Variants in SOBP observed in about 807,000 individuals in gnomAD.
SOBP encodes the protein sine oculis-binding protein homolog.
A neutral mutation model predicts 53.6 loss-of-function variants in SOBP; 4 were observed. The observed-to-expected ratio is 0.07, with a 90% CI of 0.04 to 0.17. The LOEUF (loss-of-function observed/expected upper bound fraction) is 0.17. Among genes scored for constraint, SOBP ranks in the 10% least tolerant of loss-of-function variants. The pLI is 1.00. For synonymous variants in SOBP, 584 were observed against 522.6 expected, an observed-to-expected ratio of 1.12 and a Z score of -1.60; for missense variants, 1,088 against 1,204.7, an observed-to-expected ratio of 0.90 and a Z score of 1.43.
At chr6:107,617,818 T>TC (rs1786848290) in intron 5 of SOBP, among the ~76,000 whole-genome samples, 1 of 136,340 alleles carries the variant, frequency 7.3e-6, no homozygotes, top group Non-Finnish European at 1.6e-5. Flanking sequence ...GTTGTATGAC[T>TC]CCTTTTTTTT....
intron 3 of SOBP, among the ~76,000 whole-genome samples, chr6:107,513,603 T>G (rs1417849683): frequency 2.0e-5 from 3 of 152,150 alleles, no homozygotes; most frequent in Non-Finnish European, 2.9e-5. Context: ...AAACAGGATT[T>G]AATCAAAATT....
chr6:107,650,039 A>T (rs1390926933), intron 6 of SOBP, among the ~76,000 whole-genome samples: 2 of 152,246 alleles, frequency 1.3e-5, no homozygotes, highest in Non-Finnish European at 2.9e-5. Flanking sequence ...TTATCCCAGT[A>T]GGGAGTCTTA....
Position 107,659,696 on chromosome 6 carries a change from G to A in SOBP, c.*1493G>A, listed in dbSNP as rs1668306634. The A allele has an allele frequency of 6.5e-6, 1 of 152,778 alleles. No individual in the cohort carries two copies. Among genetic ancestry groups the A allele is most frequent in the Non-Finnish European group, 1.5e-5 (1 of 68,136 alleles). The allele number at this position is 152,778 out of a possible 1,614,324, so 9.5% of individuals were successfully genotyped here. On this transcript the variant is annotated 3_prime_UTR_variant, in exon 7 of 7. Transcript: ENST00000317357. ...TGCGGGTGGGCAGGGCCAGGACGGT[G>A]TGGCGCCAGCCTTGAAGCACCACGG...
chr6:107,526,703 C>T (rs1267430768), intron 3 of SOBP, among the ~76,000 whole-genome samples: 1 of 152,150 alleles, frequency 6.6e-6, no homozygotes, highest in Non-Finnish European at 1.5e-5. Context: ...ATGTCTATGT[C>T]TGTCTTCATA....
chr6:107,652,794 A>G (rs1388634407), intron 6 of SOBP, among the ~76,000 whole-genome samples: 1 of 152,110 alleles, frequency 6.6e-6, no homozygotes, highest in African/African-American at 2.4e-5. Context: ...GTCAGTATCA[A>G]GGCAAGACTC....
intron 5 of SOBP, among the ~76,000 whole-genome samples, chr6:107,603,231 T>G (rs1280232569): frequency 6.6e-6 from 1 of 152,210 alleles, no homozygotes; most frequent in Non-Finnish European, 1.5e-5. Flanking sequence ...CCATGGACAC[T>G]CCGCTGACAC....
intron 5 of SOBP, among the ~76,000 whole-genome samples, chr6:107,593,532 C>T (rs1785835489): frequency 6.6e-6 from 1 of 152,212 alleles, no homozygotes; most frequent in Non-Finnish European, 1.5e-5. Flanking sequence ...GAGTGGGAGT[C>T]CCAATCCTTT....
At chr6:107,594,317 A>C (rs1035215263) in intron 5 of SOBP, among the ~76,000 whole-genome samples, 1 of 152,176 alleles carries the variant, frequency 6.6e-6, no homozygotes, top group African/African-American at 2.4e-5. Flanking sequence ...GATTTATTCC[A>C]AGGTTGCTTG....
chr6:107,553,174 T>C (rs1009516070), intron 4 of SOBP, among the ~76,000 whole-genome samples: 6 of 151,954 alleles, frequency 3.9e-5, no homozygotes, highest in Admixed American at 3.3e-4. Flanking sequence ...TGGCCTTCTT[T>C]GATAATCTGA....
At chr6:107,641,584 A>G (rs1034440054) in intron 6 of SOBP, among the ~76,000 whole-genome samples, 1 of 152,096 alleles carries the variant, frequency 6.6e-6, no homozygotes, top group African/African-American at 2.4e-5. Context: ...GCTCCCCAGT[A>G]TGCCTCTTTA....
chr6:107,583,200 T>C (rs532871695), intron 4 of SOBP, among the ~76,000 whole-genome samples: 20 of 152,354 alleles, frequency 1.3e-4, no homozygotes, highest in South Asian at 1.0e-3. Context: ...ATCCAACTCA[T>C]TCTTACAGAT....
At chr6:107,600,003 T>C (rs1262662891) in intron 5 of SOBP, among the ~76,000 whole-genome samples, 1 of 152,204 alleles carries the variant, frequency 6.6e-6, no homozygotes, top group Non-Finnish European at 1.5e-5. Context: ...ATACACAGAT[T>C]ATCAAGGTCA....
At position 107,633,948 on chromosome 6, in the gene SOBP, A is replaced by C; in HGVS notation, c.1104A>C (p.Pro368=). The C allele has an allele frequency of 6.2e-7, 1 of 1,614,046 alleles. No individual in the cohort carries two copies. The highest frequency in any genetic ancestry group is 8.5e-7 in the Non-Finnish European group (1 of 1,179,972). ...ATATCCCTCCTGTCTCCGTCCAGCC[A>C]CCTGCTAGCATCGGGCCTCCCCTTG... is the stretch of plus-strand genomic sequence containing the variant. The part of the protein sequence containing the change: ...TPNIPPVSVQ[P]PASIGPPLGV... The change falls in exon 6 of 7, where the codon CCA becomes CCC. Residue 368 remains proline (P), a synonymous_variant. Transcript: ENST00000317357.
At chr6:107,508,066 T>C (rs1424812665) in intron 3 of SOBP, among the ~76,000 whole-genome samples, 1 of 152,242 alleles carries the variant, frequency 6.6e-6, no homozygotes. Flanking sequence ...TGATAAATAC[T>C]GAGTTTCAAC....
chr6:107,512,546 G>A (rs934509173), intron 3 of SOBP, among the ~76,000 whole-genome samples: 2 of 152,208 alleles, frequency 1.3e-5, no homozygotes, highest in African/African-American at 4.8e-5. Flanking sequence ...CTTTACAAGT[G>A]TAATAGCCCT....
chr6:107,527,149 T>C (rs10457167), intron 3 of SOBP, among the ~76,000 whole-genome samples: 2,912 of 152,342 alleles, frequency 0.019, 46 homozygotes, highest in East Asian at 0.055. Context: ...CTGATACTTT[T>C]TAAATGAGCA....
intron 6 of SOBP, among the ~76,000 whole-genome samples, chr6:107,647,318 G>C (rs1771602074): frequency 6.6e-6 from 1 of 152,176 alleles, no homozygotes; most frequent in South Asian, 2.1e-4. Flanking sequence ...CATGTGGCCA[G>C]TAAATGGCAG....
chr6:107,633,940 G>A lies in SOBP; in HGVS notation c.1096G>A (p.Val366Ile), dbSNP rs1386634457. Residue 366 changes from valine (V) to isoleucine (I), a missense_variant, in exon 6 of 7, where the codon GTC (valine) becomes ATC (isoleucine). Transcript: ENST00000317357. The stretch of plus-strand genomic sequence containing the variant: ...GACTCCAAATATCCCTCCTGTCTCC[G>A]TCCAGCCACCTGCTAGCATCGGGCC... ...SETPNIPPVS[V>I]QPPASIGPPL... 6 of 1,614,154 alleles carry A rather than the reference G, an allele frequency of 3.7e-6. No homozygotes were observed. Among genetic ancestry groups the A allele is most frequent in the Admixed American group, 1.7e-5 (1 of 60,034 alleles).
Position 107,634,554 on chromosome 6 carries a change from C to CGCG in SOBP, c.1718_1720dup (p.Ala573dup), listed in dbSNP as rs1243372526. On this transcript the variant is annotated inframe_insertion, in exon 6 of 7. Transcript: ENST00000317357. The surrounding 1 kb of genome is among the most constrained non-coding windows in gnomAD (Gnocchi z 4.5). ...TCATTCCGAACGCCCCTGGCGACTC[C>CGCG]GCGGCGGCGGGCGGCAAGCCAAGCG... 5.6e-6 allele frequency: 9 copies of CGCG among 1,608,114 alleles called. No individual in the cohort carries two copies. Among genetic ancestry groups the CGCG allele is most frequent in the Non-Finnish European group, 7.6e-6 (9 of 1,179,788 alleles).
Sources: gnomAD v4.1 joint callset for allele counts (sites outside exome capture counted in the v4.1 genomes callset) on GRCh38, gnomAD v4.1.1 for gene constraint, Gnocchi (gnomAD v3.1) non-coding constraint, MANE v1.5 for transcripts, NCBI Gene and HGNC (gene_info 2026-07-23, HGNC 2026-07-21) for gene names.